RNF20: variants seen among roughly 807,000 people sequenced by gnomAD.
The protein encoded by RNF20 is E3 ubiquitin-protein ligase BRE1A.
RNF20 carries 84 observed loss-of-function variants against 126.2 expected under a neutral mutation model. The ratio of observed to expected loss-of-function variants is 0.67; its 90% confidence interval spans 0.56 to 0.80. The LOEUF (loss-of-function observed/expected upper bound fraction) is 0.80, where lower values mean the gene tolerates loss of function less well. Ranked by LOEUF, RNF20 falls within the 30% of genes least tolerant of loss-of-function variation. The probability of loss-of-function intolerance (pLI) is 0.00; values close to 1 mark genes in which losing one functional copy is unlikely to be tolerated. For synonymous variants in RNF20, 400 were observed against 414.3 expected (o/e 0.97, Z 0.42); for missense variants, 869 against 1,188.2 (o/e 0.73, Z 3.95).
At chr9:101,538,017 A>C (rs1440498725) in intron 2 of RNF20, among the ~76,000 whole-genome samples, 2 of 152,236 alleles carry the variant, frequency 1.3e-5, no homozygotes, top group African/African-American at 4.8e-5. Flanking sequence ...ATTTAAGTTC[A>C]GTAAAGAAGG....
At chr9:101,560,970 A>AT (rs757598207) in intron 17 of RNF20, 44 bp downstream of exon 17, 2 of 1,602,768 alleles carry the variant, frequency 1.2e-6, no homozygotes, top group Admixed American at 3.5e-5. Flanking sequence ...AGTGGAACAA[A>AT]TAAGTATAAC....
At chr9:101,557,042 T>C (rs111445497) in intron 15 of RNF20, among the ~76,000 whole-genome samples, 3,105 of 152,332 alleles carry the variant, frequency 0.02, 42 homozygotes, top group Non-Finnish European at 0.033. Context: ...AGATCCAGTA[T>C]TTTAATTGTG....
chr9:101,562,358 G>A lies in RNF20; in HGVS notation c.2864G>A (p.Arg955His). Residue 955 changes from arginine to histidine, a missense_variant, in exon 20 of 20, where the codon CGC (arginine) becomes CAC (histidine). This residue lies in a region of RNF20 where 36 missense variants were observed against 85.6 expected (regional missense o/e 0.42). Coordinates refer to ENST00000389120, the MANE Select transcript of RNF20 (RefSeq NM_019592.7). ...CVKTRYDTRQ[R>H]KCPKCNAAFG... is the part of the protein sequence containing the mutation. ...AAGACACGCTATGACACCCGCCAGC[G>A]CAAATGTCCCAAGTGTAATGCTGCT... The A allele has an allele frequency of 1.9e-6, 3 of 1,613,960 alleles. No homozygotes were observed. The highest frequency in any genetic ancestry group is 2.2e-5 in the East Asian group (1 of 44,866).
chr9:101,546,850 G>A lies in RNF20; in HGVS notation c.778G>A (p.Ala260Thr). The change falls in exon 7 of 20, where the codon GCC becomes ACC. Residue 260 changes from alanine (A) to threonine (T), a missense_variant. Physicochemically the swap from Ala to Thr is moderately conservative, Grantham distance 58 (BLOSUM62 0). This residue lies in a region of RNF20 where 103 missense variants were observed against 94.3 expected (regional missense o/e 1.09). Coordinates refer to ENST00000389120, the MANE Select transcript of RNF20 (RefSeq NM_019592.7). Reference protein sequence around the residue: ...FSKLQSKVETAESRVSVLESM... With the variant: ...FSKLQSKVETTESRVSVLESM... ...CAAGTTGCAGAGTAAAGTGGAGACAGCCGAATCACGAGTGTCTGTCCTGGA... is the reference window on the plus strand; with the variant it reads ...CAAGTTGCAGAGTAAAGTGGAGACAACCGAATCACGAGTGTCTGTCCTGGA... 1 of 1,614,158 alleles carries A rather than the reference G, an allele frequency of 6.2e-7. No homozygotes were observed. Among genetic ancestry groups the A allele is most frequent in the Non-Finnish European group, 8.5e-7 (1 of 1,180,010 alleles).
intron 2 of RNF20, among the ~76,000 whole-genome samples, chr9:101,539,313 CA>C (rs2118674824): frequency 6.6e-6 from 1 of 152,172 alleles, no homozygotes; most frequent in South Asian, 2.1e-4. Flanking sequence ...GAAGTCTCAG[CA>C]TACTGGGTAC....
chr9:101,541,064 T>A (rs1827253729), intron 5 of RNF20, 89 bp downstream of exon 5: 2 of 890,152 alleles, frequency 2.2e-6, no homozygotes, highest in South Asian at 5.7e-5. Context: ...AGCTTACATA[T>A]TTATTTTTAT....
chr9:101,540,069 A>T (rs1827235063), intron 2 of RNF20, 134 bp from the exon 3 acceptor site: 2 of 803,208 alleles, frequency 2.5e-6, no homozygotes, highest in South Asian at 1.9e-5. Flanking sequence ...CTTCTTAATT[A>T]CTTGTAAGAT....
At chr9:101,559,676 T>C (rs1324375216) in intron 16 of RNF20, among the ~76,000 whole-genome samples, 1 of 152,140 alleles carries the variant, frequency 6.6e-6, no homozygotes, top group South Asian at 2.1e-4. Flanking sequence ...TGTCAAAGGG[T>C]TTGAGTTCTT....
rs748186762 is a variant in RNF20, at chr9:101,554,852, A to G, written c.2169+9A>G. 9 of 1,397,906 alleles carry G rather than the reference A, an allele frequency of 6.4e-6. No individual in the cohort carries two copies. Among genetic ancestry groups the G allele is most frequent in the Non-Finnish European group, 8.5e-6 (9 of 1,064,322 alleles). The allele number at this position is 1,397,906 out of a possible 1,614,324, so 86.6% of individuals were successfully genotyped here. On this transcript the variant is annotated intron_variant, in intron 15 of 19. Coordinates refer to ENST00000389120, the MANE Select transcript of RNF20 (RefSeq NM_019592.7). ...TAGCCATGGCCAAGCAGGTGGACTC[A>G]CTTTCTTTATTTAATTGACTTTTTG...
At chr9:101,548,982 C>G (rs1827398350) in intron 9 of RNF20, among the ~76,000 whole-genome samples, 2 of 152,216 alleles carry the variant, frequency 1.3e-5, no homozygotes, top group Non-Finnish European at 2.9e-5. Flanking sequence ...ATTGGTGATC[C>G]TGTTGGTCTT....
At chr9:101,535,587 C>T (rs369400015) in intron 2 of RNF20, 35 bp downstream of exon 2, 13 of 1,584,668 alleles carry the variant, frequency 8.2e-6, no homozygotes, top group Non-Finnish European at 1.1e-5. Flanking sequence ...GTGTGCTTGT[C>T]TTCTGTCAGT....
intron 1 of RNF20, 75 bp downstream of exon 1, chr9:101,533,989 C>G (rs1290852571): frequency 3.3e-5 from 5 of 152,240 alleles, no homozygotes; most frequent in Admixed American, 6.5e-5. Flanking sequence ...GCTTAGGGCC[C>G]AACAGGACTG....
chr9:101,550,457 A>G (rs1254326195), intron 9 of RNF20, 149 bp from the exon 10 acceptor site: 3 of 678,286 alleles, frequency 4.4e-6, no homozygotes, highest in African/African-American at 1.8e-5. Flanking sequence ...TAGATTTTAC[A>G]TAACTACAGC....
chr9:101,560,582 TTTTTCAG>T, intron 16 of RNF20: 1 of 353,630 alleles, frequency 2.8e-6, no homozygotes, highest in Admixed American at 4.4e-5. Flanking sequence ...TTTTCAGTCA[TTTTTCAG>T]ACTCTTACTG....
chr9:101,542,819 G>A (rs1325970089), intron 5 of RNF20, among the ~76,000 whole-genome samples: 1 of 152,152 alleles, frequency 6.6e-6, no homozygotes, highest in Non-Finnish European at 1.5e-5. Flanking sequence ...TTAAGGTCGG[G>A]TTTAAGTTAA....
chr9:101,547,169 G>A lies in RNF20; in HGVS notation c.927G>A (p.Ala309=), dbSNP rs375410965. ...CCAAAGGTTATAAGGTGTATGGAGC[G>A]GGGAGCAGTCTGTATGGCGGCACAA... is the stretch of plus-strand genomic sequence containing the variant. The part of the protein sequence containing the change: ...VNSKGYKVYG[A]GSSLYGGTIT... The change falls in exon 8 of 20, where the codon GCG becomes GCA. Residue 309 remains alanine, a synonymous_variant. Transcript: ENST00000389120. 104 of 1,614,024 alleles carry A rather than the reference G, an allele frequency of 6.4e-5. No individual in the cohort carries two copies. Among genetic ancestry groups the A allele is most frequent in the African/African-American group, 3.5e-4 (26 of 75,004 alleles).
rs1827639902 is a variant in RNF20, at chr9:101,562,247, C to T, written c.2753C>T (p.Ala918Val). The T allele has an allele frequency of 6.2e-7, 1 of 1,604,886 alleles. No individual in the cohort carries two copies. Among genetic ancestry groups the T allele is most frequent in the African/African-American group, 1.3e-5 (1 of 74,458 alleles). ...ILMEEIKDYK[A>V]RLTCPCCNMR... is the part of the protein sequence containing the mutation. ...AACTCTGACATCTTTTCTTTTTAGG[C>T]ACGCTTGACCTGTCCGTGCTGTAAC... Residue 918 changes from alanine to valine, a missense_variant and splice_region_variant, in exon 20 of 20, where the codon GCA (alanine) becomes GTA (valine). Physicochemically the swap from Ala to Val is moderately conservative, Grantham distance 64. Around this residue, in one of 8 missense-constraint regions of RNF20, gnomAD observed 36 missense variants for 85.6 expected, o/e 0.42. Transcript: ENST00000389120.
chr9:101,556,890 A>G (rs1304272128), intron 15 of RNF20, among the ~76,000 whole-genome samples: 1 of 152,256 alleles, frequency 6.6e-6, no homozygotes, highest in Admixed American at 6.5e-5. Context: ...TGGAAAGAAT[A>G]CAAGTGGTCT....
rs761440325 is a variant in RNF20 at position 101,540,484 on chromosome 9, C to T, written c.298-6C>T. The T allele has an allele frequency of 6.2e-7, 1 of 1,613,698 alleles. No homozygotes were observed. The highest frequency in any genetic ancestry group is 1.7e-5 in the Admixed American group (1 of 60,006). ...TTTCTTCATAATTGTACCTACCCTT[C>T]TCCAGTTTGATGAAAACATCCGTAT... is the stretch of plus-strand genomic sequence containing the variant. On this transcript the variant is annotated splice_polypyrimidine_tract_variant and splice_region_variant and intron_variant, in intron 3 of 19. Coordinates refer to ENST00000389120, the MANE Select transcript of RNF20 (RefSeq NM_019592.7).
Sources: allele counts gnomAD v4.1 joint callset (sites outside exome capture counted in the v4.1 genomes callset), GRCh38; gene constraint gnomAD v4.1.1; regional missense constraint gnomAD v4.1.1; transcripts MANE v1.5; gene names NCBI Gene and HGNC (gene_info 2026-07-23, HGNC 2026-07-21).